NCOR1: variants seen among roughly 807,000 people sequenced by gnomAD.
NCOR1 encodes the protein protein phosphatase 1, regulatory subunit 109.
Under a neutral mutation model 288.1 loss-of-function variants are expected in NCOR1, and 63 were observed. That is an observed-to-expected ratio of 0.22 (90% CI 0.18 to 0.27). NCOR1 has a LOEUF of 0.27. Among genes scored for constraint, NCOR1 ranks in the 10% least tolerant of loss-of-function variants. The pLI is 1.00. For missense variants in NCOR1, 2,397 were observed against 3,019.2 expected, an observed-to-expected ratio of 0.79 and a Z score of 4.83; for synonymous variants, 1,007 against 1,065.9, an observed-to-expected ratio of 0.94 and a Z score of 1.08.
rs528362276 is a variant in NCOR1, at chr17:16,134,638, G to A, written c.1509+2673C>T. 2.0e-5 allele frequency among the ~76,000 whole-genome samples: 3 copies of A among 152,274 alleles called. No homozygotes were observed. In the East Asian group the frequency reaches 5.8e-4, roughly 29 times the overall value. On this transcript the variant is annotated intron_variant, in intron 14 of 45. Coordinates refer to ENST00000268712, the MANE Select transcript of NCOR1 (RefSeq NM_006311.4). ...AGACAACTTTAGGAAAGAAACGACT[G>A]TTTCAGAATAACAAACATCCGTGCC...
At chr17:16,139,753 G>C (rs2076900547) in intron 11 of NCOR1, among the ~76,000 whole-genome samples, 1 of 152,096 alleles carries the variant, frequency 6.6e-6, no homozygotes, top group Non-Finnish European at 1.5e-5. Context: ...AATGAAGCTT[G>C]TTTCAACTAA....
intron 31 of NCOR1, among the ~76,000 whole-genome samples, chr17:16,069,822 C>T (rs920932506): frequency 6.6e-6 from 1 of 152,200 alleles, no homozygotes; most frequent in Non-Finnish European, 1.5e-5. Context: ...GTTCCAGAGG[C>T]TACTTACAGC....
At chr17:16,152,735 T>C (rs2079075200) in intron 7 of NCOR1, among the ~76,000 whole-genome samples, 1 of 152,224 alleles carries the variant, frequency 6.6e-6, no homozygotes, top group Non-Finnish European at 1.5e-5. Flanking sequence ...CCACACTGTC[T>C]TCCACAATGG....
intron 5 of NCOR1, among the ~76,000 whole-genome samples, chr17:16,161,260 C>T (rs1344087716): frequency 6.6e-6 from 1 of 151,050 alleles, no homozygotes; most frequent in African/African-American, 2.4e-5. Context: ...CACACACACA[C>T]ACACACACAC....
chr17:16,076,017 C>T (rs1269996955), intron 26 of NCOR1, among the ~76,000 whole-genome samples: 1 of 152,192 alleles, frequency 6.6e-6, no homozygotes, highest in East Asian at 1.9e-4. Flanking sequence ...GGACTAAAAT[C>T]AAGTAAATGT....
Position 16,031,849 on chromosome 17 carries a change from A to C in NCOR1, c.*447T>G. On this transcript the variant is annotated 3_prime_UTR_variant, in exon 46 of 46. Coordinates refer to ENST00000268712, the MANE Select transcript of NCOR1 (RefSeq NM_006311.4). ...GAGGTTGTTTAGAAGGCTAGGGTTA[A>C]AAAGATAGATAGACAAAAAGATTTT... 4.3e-6 allele frequency: 1 copy of C among 233,576 alleles called. No homozygotes were observed. Among genetic ancestry groups the C allele is most frequent in the East Asian group, 6.1e-5 (1 of 16,374 alleles). 14.5% of individuals were successfully genotyped at this position (233,576 alleles called of 1,614,324 possible).
intron 18 of NCOR1, among the ~76,000 whole-genome samples, chr17:16,115,928 G>C (rs553055977): frequency 6.6e-6 from 1 of 152,232 alleles, no homozygotes; most frequent in South Asian, 2.1e-4. Context: ...TATTGTATTA[G>C]TCCGTTTTCA....
chr17:16,170,587 C>T (rs1291703270), intron 4 of NCOR1, among the ~76,000 whole-genome samples: 1 of 151,994 alleles, frequency 6.6e-6, no homozygotes, highest in African/African-American at 2.4e-5. Flanking sequence ...GTAATCCCAG[C>T]ACTTTGGGAG....
chr17:16,105,542 AG>A (rs1395705824), intron 19 of NCOR1, among the ~76,000 whole-genome samples: 2 of 152,234 alleles, frequency 1.3e-5, no homozygotes, highest in Non-Finnish European at 2.9e-5. Flanking sequence ...AAGAGACTAA[AG>A]AAAACCTAAT....
rs1017628916 is a variant in NCOR1, at chr17:16,064,816, A to G, written c.5101+54T>C. 2.4e-5 allele frequency: 35 copies of G among 1,466,626 alleles called. No homozygotes were observed. The Admixed American group carries it at 3.0e-4, about 13-fold the overall frequency. 90.9% of individuals were successfully genotyped at this position (1,466,626 alleles called of 1,614,324 possible). A position where few individuals can be genotyped will look rare whatever the true frequency, so the allele number is the denominator to read the frequency against. ...AAGATACCTTAAAAGGCTATGTTGT[A>G]AAAATGTAAACATGATGGTTCTATT... On this transcript the variant is annotated intron_variant, in intron 34 of 45. Coordinates refer to ENST00000268712, the MANE Select transcript of NCOR1 (RefSeq NM_006311.4).
rs144822654 is a variant in NCOR1 at position 16,103,781 on chromosome 17, C to A, written c.2183-2024G>T. Among the ~76,000 whole-genome samples the A allele has an allele frequency of 7.3e-4, 111 of 152,178 alleles. 2 individuals carry two copies. In the East Asian group the frequency reaches 0.02, roughly 28 times the overall value. Reference sequence around the variant, plus strand: ...CTGTAATCCCAGCACTTTGGGAGGCCGAGGTGGATGGATCACCTGAGGTGA... The same window carrying A: ...CTGTAATCCCAGCACTTTGGGAGGCAGAGGTGGATGGATCACCTGAGGTGA... On this transcript the variant is annotated intron_variant, in intron 19 of 45. Transcript: ENST00000268712.
rs1385866286 is a variant in NCOR1, at chr17:16,070,369, C to A, written c.4309G>T (p.Asp1437Tyr). The part of the protein sequence containing the change: ...IKVVERGKYE[D>Y]VKAGETVRSR... ...CGCACGGTCTCGCCTGCTTTCACAT[C>A]CTCATATTTTCCCCGTTCTACCACT... The change falls in exon 31 of 46, where the codon GAT (aspartate) becomes TAT (tyrosine). Residue 1437 changes from aspartate to tyrosine, a missense_variant. Physicochemically the swap from Asp to Tyr is radical, Grantham distance 160. Around this residue, in one of 11 missense-constraint regions of NCOR1, gnomAD observed 1,872 missense variants for 2,187.8 expected, o/e 0.86. Coordinates refer to ENST00000268712, the MANE Select transcript of NCOR1 (RefSeq NM_006311.4). 3 of 1,614,146 alleles carry A rather than the reference C, an allele frequency of 1.9e-6. No individual in the cohort carries two copies. Among genetic ancestry groups the A allele is most frequent in the Non-Finnish European group, 2.5e-6 (3 of 1,180,032 alleles).
Position 16,212,770 on chromosome 17 carries a change from A to G in NCOR1, c.-71+2592T>C, listed in dbSNP as rs539588263. On this transcript the variant is annotated intron_variant, in intron 1 of 45. Coordinates refer to ENST00000268712, the MANE Select transcript of NCOR1 (RefSeq NM_006311.4). ...GAAAATTTCACCAATTCATAACACA[A>G]TTTTTTTTAATGCTTTTAAGGCCGG... Among the ~76,000 whole-genome samples, 10 of 152,098 alleles carry G rather than the reference A, an allele frequency of 6.6e-5. No homozygotes were observed. In the East Asian group the frequency reaches 1.3e-3, roughly 21 times the overall value.
chr17:16,064,833 G>T, intron 34 of NCOR1, 37 bp downstream of exon 34: 4 of 1,501,398 alleles, frequency 2.7e-6, no homozygotes, highest in East Asian at 4.8e-5. Flanking sequence ...TAAACATGAT[G>T]GTTCTATTAG....
At chr17:16,120,071 A>G (rs533540288) in intron 16 of NCOR1, among the ~76,000 whole-genome samples, 1 of 152,296 alleles carries the variant, frequency 6.6e-6, no homozygotes, top group South Asian at 2.1e-4. Flanking sequence ...TTATAGTACC[A>G]GCATTCACCC....
Position 16,058,458 on chromosome 17 carries a change from TAAG to T in NCOR1, c.6010+10_6010+12del, listed in dbSNP as rs2060178970. On this transcript the variant is annotated intron_variant, in intron 38 of 45. Transcript: ENST00000268712. ...ATATGAAAACATGTAAATGGTAGCT[TAAG>T]AAGACATACTTTCCGCTTGATTTGC... 1.2e-6 allele frequency: 2 copies of T among 1,612,346 alleles called. No homozygotes were observed. Among genetic ancestry groups the T allele is most frequent in the South Asian group, 1.1e-5 (1 of 90,934 alleles).
intron 29 of NCOR1, 21 bp downstream of exon 29, chr17:16,072,124 C>G: frequency 6.4e-7 from 1 of 1,564,298 alleles, no homozygotes; most frequent in Non-Finnish European, 8.7e-7. Context: ...AATAAAAATG[C>G]AAAACAAGCA....
intron 40 of NCOR1, among the ~76,000 whole-genome samples, chr17:16,050,411 C>T (rs1319659904): frequency 4.0e-5 from 6 of 151,832 alleles, no homozygotes. Flanking sequence ...TTATTAGAGA[C>T]GGGGATTCAC....
Position 16,127,416 on chromosome 17 carries a change from TATAC to T in NCOR1, c.1510-1214_1510-1211del, listed in dbSNP as rs1445886275. Among the ~76,000 whole-genome samples, 12 of 90,092 alleles carry T rather than the reference TATAC, an allele frequency of 1.3e-4. 2 individuals are homozygous for T. Among genetic ancestry groups the T allele is most frequent in the African/African-American group, 5.5e-4 (10 of 18,118 alleles). 59.1% of individuals were successfully genotyped at this position (90,092 alleles called of 152,430 possible). A position where few individuals can be genotyped will look rare whatever the true frequency, so the allele number is the denominator to read the frequency against. On this transcript the variant is annotated intron_variant, in intron 14 of 45. Coordinates refer to ENST00000268712, the MANE Select transcript of NCOR1 (RefSeq NM_006311.4). The stretch of plus-strand genomic sequence containing the variant: ...ATACATGTGTATATGTGTATGTATA[TATAC>T]ATGTGTATATGTGTATGTATATATG...
Sources: gnomAD v4.1 joint callset for allele counts (sites outside exome capture counted in the v4.1 genomes callset) on GRCh38, gnomAD v4.1.1 for gene constraint, gnomAD v4.1.1 regional missense constraint, MANE v1.5 for transcripts, NCBI Gene and HGNC (gene_info 2026-07-23, HGNC 2026-07-21) for gene names.